CACNA1C: variants seen among roughly 807,000 people sequenced by gnomAD.
CACNA1C encodes voltage-dependent L-type calcium channel subunit alpha-1C.
In CACNA1C, 30 loss-of-function variants were observed where a neutral mutation model predicts 229.0. The observed-to-expected ratio is 0.13, with a 90% CI of 0.10 to 0.18. CACNA1C has a LOEUF of 0.18. Among genes scored for constraint, CACNA1C ranks in the 10% least tolerant of loss-of-function variants. The pLI is 1.00. For missense variants in CACNA1C, 1,658 were observed against 2,845.0 expected, an observed-to-expected ratio of 0.58 and a Z score of 9.49; for synonymous variants, 1,114 against 1,132.5, an observed-to-expected ratio of 0.98 and a Z score of 0.33.
intron 45 of CACNA1C, among the ~76,000 whole-genome samples, 192 bp downstream of exon 45, chr12:2,686,461 C>A (rs1358090594): frequency 6.6e-6 from 1 of 152,232 alleles, no homozygotes; most frequent in Non-Finnish European, 1.5e-5. Flanking sequence ...GCAAGGTCTG[C>A]AGCATCGCAG....
In CACNA1C at chr12:2,638,350, G is replaced by C. The variant is rs75982736; in HGVS notation, c.3912+3970G>C. Among the ~76,000 whole-genome samples, 377 of 152,118 alleles carry C rather than the reference G, an allele frequency of 2.5e-3. 1 individual carries two copies. The highest frequency in any genetic ancestry group is 5.1e-3 in the Admixed American group (78 of 15,282). On this transcript the variant is annotated intron_variant, in intron 30 of 46. Transcript: ENST00000399655. ...ATTGAGGATTCTCCATGTGGAGATC[G>C]GGAGAAGAGGTAGCAGGGCAGGAGG...
At chr12:2,552,978 C>T (rs993346110) in intron 10 of CACNA1C, among the ~76,000 whole-genome samples, 1 of 146,586 alleles carries the variant, frequency 6.8e-6, no homozygotes, top group Non-Finnish European at 1.5e-5. Context: ...GAAGCAAGTG[C>T]TTATAGGAAG....
At chr12:2,136,084 C>T (rs2093438827) in intron 3 of CACNA1C, among the ~76,000 whole-genome samples, 2 of 151,278 alleles carry the variant, frequency 1.3e-5, no homozygotes, top group South Asian at 2.1e-4. Context: ...GTGCGTCCGT[C>T]ACCCCTTTCT....
intron 3 of CACNA1C, among the ~76,000 whole-genome samples, chr12:2,201,012 T>A (rs1257469651): frequency 1.3e-5 from 2 of 152,238 alleles, no homozygotes; most frequent in Non-Finnish European, 2.9e-5. Flanking sequence ...TTTTGCAATA[T>A]CTCGTTTTTT....
At chr12:2,596,296 T>C (rs1221499108) in intron 20 of CACNA1C, 1 of 285,702 alleles carries the variant, frequency 3.5e-6, no homozygotes, top group East Asian at 6.6e-5. Flanking sequence ...GCAAACTTAG[T>C]AAAATGTGGC....
At chr12:2,209,902 G>A (rs1284295622) in intron 3 of CACNA1C, among the ~76,000 whole-genome samples, 1 of 152,188 alleles carries the variant, frequency 6.6e-6, no homozygotes, top group Non-Finnish European at 1.5e-5. Flanking sequence ...TCTTAAAAAT[G>A]TGTGTCTGGT....
intron 3 of CACNA1C, among the ~76,000 whole-genome samples, chr12:2,316,341 G>T (rs2095688006): frequency 6.6e-6 from 1 of 152,222 alleles, no homozygotes; most frequent in South Asian, 2.1e-4. Context: ...TTATTGGGTT[G>T]TTATGAGGAT....
At chr12:2,572,352 TCC>T (rs2055304637) in intron 13 of CACNA1C, among the ~76,000 whole-genome samples, 1 of 123,492 alleles carries the variant, frequency 8.1e-6, no homozygotes, top group Non-Finnish European at 1.7e-5. Context: ...CTCCTCCTCC[TCC>T]TCTCCTCCTC....
chr12:2,515,535 A>G (rs758724577), intron 9 of CACNA1C, among the ~76,000 whole-genome samples: 7 of 152,214 alleles, frequency 4.6e-5, no homozygotes, highest in African/African-American at 7.2e-5. Flanking sequence ...ATGTTTGCCA[A>G]TTCTCTTCAG....
intron 3 of CACNA1C, among the ~76,000 whole-genome samples, chr12:2,383,286 G>A (rs1183263265): frequency 6.6e-6 from 1 of 152,178 alleles, no homozygotes; most frequent in Non-Finnish European, 1.5e-5. Flanking sequence ...AGACTAAAGC[G>A]GGTTGTCTCG....
At chr12:2,280,456 T>G (rs867440995) in intron 3 of CACNA1C, among the ~76,000 whole-genome samples, 40 of 82,512 alleles carry the variant, frequency 4.8e-4, no homozygotes, top group Non-Finnish European at 4.5e-4. Context: ...AACCTCTTGA[T>G]ACCTTGCTGT....
At chr12:2,368,288 G>A (rs138154022) in intron 3 of CACNA1C, among the ~76,000 whole-genome samples, 94 of 152,322 alleles carry the variant, frequency 6.2e-4, no homozygotes, top group Middle Eastern at 6.8e-3. Context: ...GCCAGTCAGC[G>A]TTGTGAAAGG....
At chr12:1,998,163 C>A (rs184602398) in intron 1 of CACNA1C, among the ~76,000 whole-genome samples, 43 of 152,326 alleles carry the variant, frequency 2.8e-4, no homozygotes, top group African/African-American at 7.2e-4. Flanking sequence ...GCAGATTAGG[C>A]AGCAGGAAGC....
At chr12:2,344,451 TC>T (rs1292025628) in intron 3 of CACNA1C, among the ~76,000 whole-genome samples, 1 of 152,128 alleles carries the variant, frequency 6.6e-6, no homozygotes, top group East Asian at 1.9e-4. Context: ...GTCTGTCCCC[TC>T]TCTTCTCTTA....
At chr12:1,981,341 G>T (rs957839298) in intron 1 of CACNA1C, among the ~76,000 whole-genome samples, 1 of 152,128 alleles carries the variant, frequency 6.6e-6, no homozygotes, top group Non-Finnish European at 1.5e-5. Flanking sequence ...CCATAGCTTT[G>T]AATAAAGAAA....
intron 3 of CACNA1C, among the ~76,000 whole-genome samples, chr12:2,170,821 C>G (rs543804741): frequency 2.6e-5 from 4 of 152,352 alleles, no homozygotes; most frequent in Admixed American, 2.6e-4. Flanking sequence ...GGTCTGCTTC[C>G]TAGGCCCGTA....
chr12:2,132,177 T>C (rs1343431448), intron 3 of CACNA1C, among the ~76,000 whole-genome samples: 1 of 145,340 alleles, frequency 6.9e-6, no homozygotes, highest in East Asian at 2.0e-4. Flanking sequence ...TTTGCTGAAA[T>C]TGCTTATCAG....
At position 2,601,826 on chromosome 12, in the gene CACNA1C, A is replaced by G. The variant is rs1200335348; in HGVS notation, c.2854-28A>G. 2.0e-6 allele frequency: 3 copies of G among 1,489,648 alleles called. No homozygotes were observed. In the African/African-American group the frequency reaches 4.1e-5, roughly 21 times the overall value. 92.3% of individuals were successfully genotyped at this position (1,489,648 alleles called of 1,614,324 possible). On this transcript the variant is annotated intron_variant, in intron 21 of 46. Coordinates refer to ENST00000399655, the MANE Select transcript of CACNA1C (RefSeq NM_000719.7). The surrounding 1 kb of genome is among the most constrained non-coding windows in gnomAD (Gnocchi z 5.9). ...CTGGGCTAGGGCTAGGGCCACTCAC[A>G]CTGGTGTTCCTTTGTCCCTCCCTGC...
In CACNA1C at chr12:2,566,211, G is replaced by T. The variant is rs1310818970; in HGVS notation, c.1509-211G>T. On this transcript the variant is annotated intron_variant, in intron 11 of 46. Transcript: ENST00000399655. The surrounding 1 kb of genome is among the most constrained non-coding windows in gnomAD (Gnocchi z 4.0). Reference sequence around the variant, plus strand: ...CCCATGAGGTCGGCCCTCTTCCCGGGAGAACTGAAGCTTGGAGGAGTTCAG... The same window carrying T: ...CCCATGAGGTCGGCCCTCTTCCCGGTAGAACTGAAGCTTGGAGGAGTTCAG... 2.6e-5 allele frequency among the ~76,000 whole-genome samples: 4 copies of T among 152,200 alleles called. No individual in the cohort carries two copies. The highest frequency in any genetic ancestry group is 4.8e-5 in the African/African-American group (2 of 41,440).
Sources: gnomAD v4.1 joint callset for allele counts (sites outside exome capture counted in the v4.1 genomes callset) on GRCh38, gnomAD v4.1.1 for gene constraint, Gnocchi (gnomAD v3.1) non-coding constraint, MANE v1.5 for transcripts, NCBI Gene and HGNC (gene_info 2026-07-23, HGNC 2026-07-21) for gene names.